Variants in NCOR1 observed in about 807,000 individuals in gnomAD.
NCOR1 encodes the protein protein phosphatase 1, regulatory subunit 109.
In NCOR1, 63 loss-of-function variants were observed where a neutral mutation model predicts 288.1. That is an observed-to-expected ratio of 0.22 (90% CI 0.18 to 0.27). The LOEUF is 0.27. Ranked by LOEUF, NCOR1 falls within the 10% of genes least tolerant of loss-of-function variation. The pLI is 1.00. For missense variants in NCOR1, 2,397 were observed against 3,019.2 expected (o/e 0.79, Z 4.83); for synonymous variants, 1,007 against 1,065.9 (o/e 0.94, Z 1.08).
At chr17:16,119,589 G>A in intron 16 of NCOR1, 104 bp from the exon 17 acceptor site, 2 of 739,804 alleles carry the variant, frequency 2.7e-6, no homozygotes, top group Non-Finnish European at 4.3e-6. Context: ...AAAAGACTAT[G>A]TAAAAGCATT....
At chr17:16,162,782 T>C (rs543866288) in intron 5 of NCOR1, among the ~76,000 whole-genome samples, 1 of 152,302 alleles carries the variant, frequency 6.6e-6, no homozygotes, top group East Asian at 1.9e-4. Flanking sequence ...TGTTCTTCAG[T>C]AGAAGGGTGT....
intron 23 of NCOR1, 129 bp downstream of exon 23, chr17:16,086,153 C>T (rs1035657984): frequency 1.0e-5 from 11 of 1,065,302 alleles, no homozygotes; most frequent in African/African-American, 1.6e-5. Flanking sequence ...TGGTCATTAT[C>T]TCTTGAAACT....
At chr17:16,208,143 C>T (rs527661770) in intron 1 of NCOR1, among the ~76,000 whole-genome samples, 2 of 139,972 alleles carry the variant, frequency 1.4e-5, no homozygotes, top group East Asian at 4.1e-4. Context: ...CAGGTTCAAG[C>T]GATTCTCCTG....
intron 16 of NCOR1, among the ~76,000 whole-genome samples, chr17:16,120,794 T>C (rs2072842523): frequency 6.6e-6 from 1 of 152,008 alleles, no homozygotes. Flanking sequence ...AAAATAAAAA[T>C]GGTAATTATT....
chr17:16,088,545 T>C (rs1262971225), intron 22 of NCOR1, among the ~76,000 whole-genome samples: 2 of 152,156 alleles, frequency 1.3e-5, no homozygotes, highest in Non-Finnish European at 2.9e-5. Flanking sequence ...TGTAAATAAT[T>C]TGTCTTTTCC....
At chr17:16,071,369 A>C (rs1281110200) in intron 30 of NCOR1, 40 bp downstream of exon 30, 2 of 1,587,118 alleles carry the variant, frequency 1.3e-6, no homozygotes, top group South Asian at 2.3e-5. Context: ...AATGTTCCAT[A>C]AATATCAGTT....
intron 18 of NCOR1, 98 bp from the exon 19 acceptor site, chr17:16,109,010 C>G (rs2153058475): frequency 1.1e-6 from 1 of 917,388 alleles, no homozygotes. Flanking sequence ...CACACACACA[C>G]CAGACAAGGA....
chr17:16,197,577 C>G (rs1458362688), intron 1 of NCOR1, among the ~76,000 whole-genome samples: 1 of 152,136 alleles, frequency 6.6e-6, no homozygotes, highest in Non-Finnish European at 1.5e-5. Context: ...GGTGAGAAAT[C>G]TGAAGATCAG....
chr17:16,187,913 A>AG (rs1210037757), intron 2 of NCOR1, among the ~76,000 whole-genome samples: 5 of 151,704 alleles, frequency 3.3e-5, no homozygotes, highest in African/African-American at 1.2e-4. Context: ...AAAAAAAAAA[A>AG]AAAGAAAGAA....
chr17:16,111,025 A>AACATCTG (rs1414882380), intron 18 of NCOR1, among the ~76,000 whole-genome samples: 1 of 152,196 alleles, frequency 6.6e-6, no homozygotes, highest in African/African-American at 2.4e-5. Context: ...ACTGGTCTGG[A>AACATCTG]ACATCTGGCC....
At position 16,091,938 on chromosome 17, in the gene NCOR1, C is replaced by G; in HGVS notation, c.2941G>C (p.Glu981Gln). Residue 981 changes from glutamate to glutamine, a missense_variant, in exon 22 of 46, where the codon GAA becomes CAA. By Grantham distance (29) the Glu-to-Gln change is conservative (BLOSUM62 2). Around this residue, in one of 11 missense-constraint regions of NCOR1, gnomAD observed 1,872 missense variants for 2,187.8 expected, o/e 0.86. Coordinates refer to ENST00000268712, the MANE Select transcript of NCOR1 (RefSeq NM_006311.4). ...CTTCTACATTCCAAATCTATCTGTT[C>G]TTGTCTCTGCCGCTGCTCCTCCAGG... ...ALLEEQRQRQ[E>Q]QIDLECRSST... 6.2e-7 allele frequency: 1 copy of G among 1,614,208 alleles called. No individual in the cohort carries two copies. Among genetic ancestry groups the G allele is most frequent in the Non-Finnish European group, 8.5e-7 (1 of 1,180,030 alleles).
At chr17:16,089,273 C>G (rs994770286) in intron 22 of NCOR1, among the ~76,000 whole-genome samples, 6 of 152,030 alleles carry the variant, frequency 3.9e-5, no homozygotes, top group Non-Finnish European at 8.8e-5. Flanking sequence ...AGCATTAACT[C>G]TTATTTTAAT....
chr17:16,148,371 T>G (rs1381540740), intron 9 of NCOR1, among the ~76,000 whole-genome samples: 5 of 152,130 alleles, frequency 3.3e-5, no homozygotes, highest in Non-Finnish European at 7.3e-5. Flanking sequence ...TCATCCGTAG[T>G]CCATGACCAC....
chr17:16,177,243 C>T (rs897874338), intron 3 of NCOR1, among the ~76,000 whole-genome samples: 3 of 151,946 alleles, frequency 2.0e-5, no homozygotes, highest in African/African-American at 7.3e-5. Context: ...TTTTTGAATA[C>T]TTCATTATTT....
At chr17:16,184,432 C>T (rs901877165) in intron 3 of NCOR1, among the ~76,000 whole-genome samples, 2 of 151,990 alleles carry the variant, frequency 1.3e-5, no homozygotes, top group African/African-American at 2.4e-5. Context: ...CAAAAGAAAA[C>T]GTAAAAATCA....
At chr17:16,145,698 C>A (rs987034545) in intron 10 of NCOR1, among the ~76,000 whole-genome samples, 25 of 151,924 alleles carry the variant, frequency 1.6e-4, no homozygotes, top group African/African-American at 5.3e-4. Flanking sequence ...CCCAGCCAGC[C>A]GCCCAGTCCG....
At chr17:16,096,087 G>T (rs2066558861) in intron 21 of NCOR1, among the ~76,000 whole-genome samples, 1 of 152,102 alleles carries the variant, frequency 6.6e-6, no homozygotes, top group Admixed American at 6.6e-5. Context: ...TGGATTAAGG[G>T]TGGTGCAAGA....
chr17:16,132,170 A>C (rs998921648), intron 14 of NCOR1, among the ~76,000 whole-genome samples: 1 of 152,220 alleles, frequency 6.6e-6, no homozygotes, highest in African/African-American at 2.4e-5. Flanking sequence ...CACTGGCATA[A>C]AGGGGAAAAT....
At chr17:16,158,701 A>T (rs1483000294) in intron 6 of NCOR1, 59 bp downstream of exon 6, 2 of 1,006,208 alleles carry the variant, frequency 2.0e-6, no homozygotes, top group African/African-American at 3.2e-5. Flanking sequence ...TTCAAAACTG[A>T]AAAGGGCATC....
Sources: gnomAD v4.1 joint callset for allele counts (sites outside exome capture counted in the v4.1 genomes callset) on GRCh38, gnomAD v4.1.1 for gene constraint, gnomAD v4.1.1 regional missense constraint, MANE v1.5 for transcripts, NCBI Gene and HGNC (gene_info 2026-07-23, HGNC 2026-07-21) for gene names.